Variants in HS2ST1 observed in about 807,000 individuals in gnomAD.
HS2ST1 encodes the protein 2-O-sulfotransferase.
A neutral mutation model predicts 42.9 loss-of-function variants in HS2ST1; 18 were observed. That is an observed-to-expected ratio of 0.42 (90% CI 0.29 to 0.62). HS2ST1 has a LOEUF of 0.62. Among genes scored for constraint, HS2ST1 ranks in the 20% least tolerant of loss-of-function variants. The pLI, the probability that HS2ST1 is intolerant of heterozygous loss-of-function variation, is 0.21. For missense variants in HS2ST1, 334 were observed against 433.8 expected (o/e 0.77, Z 2.04); for synonymous variants, 146 against 152.9 (o/e 0.95, Z 0.33).
chr1:87,019,909 T>C (rs1309475377), intron 1 of HS2ST1, among the ~76,000 whole-genome samples: 1 of 152,216 alleles, frequency 6.6e-6, no homozygotes, highest in African/African-American at 2.4e-5. Flanking sequence ...TAAAAACTTT[T>C]TCTGACTCCC....
chr1:86,986,025 A>G (rs916811380), intron 1 of HS2ST1, among the ~76,000 whole-genome samples: 2 of 144,702 alleles, frequency 1.4e-5, no homozygotes, highest in Admixed American at 7.3e-5. Flanking sequence ...GTAATACACT[A>G]ATGAGCTTGG....
intron 1 of HS2ST1, among the ~76,000 whole-genome samples, chr1:87,006,293 G>A (rs1005251610): frequency 5.3e-5 from 8 of 152,090 alleles, no homozygotes; most frequent in Admixed American, 3.3e-4. Flanking sequence ...GTTGCCAAAA[G>A]GTTCAAAAGA....
chr1:86,963,232 C>A (rs1441881375), intron 1 of HS2ST1, among the ~76,000 whole-genome samples: 3 of 150,488 alleles, frequency 2.0e-5, no homozygotes, highest in African/African-American at 7.4e-5. Flanking sequence ...GGTCATAGGA[C>A]AATAGTGGAG....
chr1:87,015,348 GTTT>G (rs35791774), intron 1 of HS2ST1, among the ~76,000 whole-genome samples: 1 of 131,742 alleles, frequency 7.6e-6, no homozygotes, highest in Non-Finnish European at 1.6e-5. Context: ...GCCTGGCCCT[GTTT>G]TTTTTTTTTT....
At chr1:86,939,518 G>A (rs1478673038) in intron 1 of HS2ST1, among the ~76,000 whole-genome samples, 1 of 152,170 alleles carries the variant, frequency 6.6e-6, no homozygotes, top group African/African-American at 2.4e-5. Flanking sequence ...ACTGAATCAA[G>A]TTTACACTCT....
intron 1 of HS2ST1, among the ~76,000 whole-genome samples, chr1:86,924,357 C>T (rs1285378946): frequency 6.6e-6 from 1 of 152,198 alleles, no homozygotes; most frequent in Non-Finnish European, 1.5e-5. Context: ...GTCAGTGGAT[C>T]TACCATTCTG....
chr1:86,980,874 T>G (rs1054282417), intron 1 of HS2ST1, among the ~76,000 whole-genome samples: 1 of 152,208 alleles, frequency 6.6e-6, no homozygotes, highest in African/African-American at 2.4e-5. Context: ...GAAAATTCAC[T>G]ATAGTTCTTT....
chr1:86,978,919 C>T lies in HS2ST1; in HGVS notation c.124+63759C>T, dbSNP rs754269279. On this transcript the variant is annotated intron_variant, in intron 1 of 6. Coordinates refer to ENST00000370550, the MANE Select transcript of HS2ST1 (RefSeq NM_012262.4). Reference sequence around the variant, plus strand: ...TCACTTTGTCACCCAGGCTGGAGTGCAGTGGCATGATCTTGGCTCACTGCA... The same window carrying T: ...TCACTTTGTCACCCAGGCTGGAGTGTAGTGGCATGATCTTGGCTCACTGCA... Among the ~76,000 whole-genome samples, 29 of 124,372 alleles carry T rather than the reference C, an allele frequency of 2.3e-4. 1 individual carries two copies. Among genetic ancestry groups the T allele is most frequent in the Non-Finnish European group, 4.4e-4 (28 of 64,010 alleles). 81.6% of individuals were successfully genotyped at this position (124,372 alleles called of 152,430 possible).
chr1:87,079,988 CA>C (rs1446059819), intron 2 of HS2ST1, among the ~76,000 whole-genome samples: 1 of 151,852 alleles, frequency 6.6e-6, no homozygotes, highest in Admixed American at 6.6e-5. Flanking sequence ...TTAGAGGTTA[CA>C]GTGAGTTATG....
intron 1 of HS2ST1, among the ~76,000 whole-genome samples, chr1:86,960,119 G>A (rs552671888): frequency 2.0e-5 from 3 of 150,016 alleles, no homozygotes; most frequent in African/African-American, 4.9e-5. Flanking sequence ...GGTAGACCAC[G>A]AATATAGTAA....
chr1:86,992,910 A>G (rs1226766255), intron 1 of HS2ST1: 6 of 596,394 alleles, frequency 1.0e-5, no homozygotes, highest in Non-Finnish European at 1.7e-5. Context: ...TTAATAAGAT[A>G]AAAAGTATGA....
At chr1:87,032,363 T>G (rs1650261083) in intron 1 of HS2ST1, among the ~76,000 whole-genome samples, 1 of 152,166 alleles carries the variant, frequency 6.6e-6, no homozygotes, top group African/African-American at 2.4e-5. Context: ...TGTGTTTGTG[T>G]CAGGTCTCTT....
intron 1 of HS2ST1, chr1:87,045,451 C>A (rs1650626618): frequency 3.3e-6 from 4 of 1,218,620 alleles, no homozygotes; most frequent in Non-Finnish European, 4.9e-6. Flanking sequence ...GTTTCACTAC[C>A]TTGTCTCGTA....
At chr1:87,041,275 C>G (rs1191553317) in intron 1 of HS2ST1, among the ~76,000 whole-genome samples, 1 of 144,222 alleles carries the variant, frequency 6.9e-6, no homozygotes, top group African/African-American at 2.6e-5. Flanking sequence ...GTACTCCTAG[C>G]TACTCCAGAG....
intron 3 of HS2ST1, among the ~76,000 whole-genome samples, chr1:87,085,503 C>G (rs1651799033): frequency 6.6e-6 from 1 of 152,180 alleles, no homozygotes; most frequent in African/African-American, 2.4e-5. Flanking sequence ...TCATAGTACT[C>G]AAGATCTTTC....
At chr1:86,974,297 G>A (rs2102212775) in intron 1 of HS2ST1, among the ~76,000 whole-genome samples, 1 of 152,212 alleles carries the variant, frequency 6.6e-6, no homozygotes, top group Non-Finnish European at 1.5e-5. Flanking sequence ...CCTACATGAT[G>A]AATGCTAAAA....
intron 1 of HS2ST1, chr1:87,044,835 AT>A (rs1223160810): frequency 1.9e-5 from 14 of 747,648 alleles, no homozygotes; most frequent in Middle Eastern, 4.9e-4. Flanking sequence ...ACTGGTGTCC[AT>A]TTTTTCCCCT....
At chr1:86,954,796 A>G (rs1230072245) in intron 1 of HS2ST1, among the ~76,000 whole-genome samples, 1 of 152,210 alleles carries the variant, frequency 6.6e-6, no homozygotes, top group African/African-American at 2.4e-5. Context: ...TTTTAGCATC[A>G]GGACAAAATA....
intron 1 of HS2ST1, among the ~76,000 whole-genome samples, chr1:87,033,527 G>GT (rs997535216): frequency 1.4e-5 from 2 of 148,134 alleles, no homozygotes; most frequent in East Asian, 1.9e-4. Context: ...TTAAAGTAGT[G>GT]TTTTTTTGTT....
Sources: allele counts gnomAD v4.1 joint callset (sites outside exome capture counted in the v4.1 genomes callset), GRCh38; gene constraint gnomAD v4.1.1; transcripts MANE v1.5; gene names NCBI Gene and HGNC (gene_info 2026-07-23, HGNC 2026-07-21).